PLXDC2: variants seen among roughly 807,000 people sequenced by gnomAD.
PLXDC2 encodes the protein plexin domain containing 2.
Under a neutral mutation model 68.9 loss-of-function variants are expected in PLXDC2, and 40 were observed. That is an observed-to-expected ratio of 0.58 (90% CI 0.45 to 0.76). The LOEUF (loss-of-function observed/expected upper bound fraction) is 0.76, where lower values mean the gene tolerates loss of function less well. PLXDC2 is among the 30% of genes least tolerant of loss of function. The probability of loss-of-function intolerance (pLI) is 0.00; values close to 1 mark genes in which losing one functional copy is unlikely to be tolerated. For missense variants in PLXDC2, 644 were observed against 661.9 expected (o/e 0.97, Z 0.30); for synonymous variants, 243 against 234.2 (o/e 1.04, Z -0.34).
In PLXDC2 at chr10:19,908,626, A is replaced by G. The variant is rs376094358; in HGVS notation, c.112+91435A>G. Among the ~76,000 whole-genome samples, 20 of 152,286 alleles carry G rather than the reference A, an allele frequency of 1.3e-4. 1 individual carries two copies. The highest frequency in any genetic ancestry group is 4.8e-4 in the African/African-American group (20 of 41,562). ...TCAAAGGTATTCTCAGGGATCAGTTAGAAGACATAGTGAATGTAAGTTTAG... is the reference window on the plus strand; with the variant it reads ...TCAAAGGTATTCTCAGGGATCAGTTGGAAGACATAGTGAATGTAAGTTTAG... On this transcript the variant is annotated intron_variant, in intron 1 of 13. Coordinates refer to ENST00000377252, the MANE Select transcript of PLXDC2 (RefSeq NM_032812.9).
chr10:19,849,038 A>G (rs1456579618), intron 1 of PLXDC2, among the ~76,000 whole-genome samples: 4 of 152,148 alleles, frequency 2.6e-5, no homozygotes, highest in Non-Finnish European at 4.4e-5. Context: ...GAAATTTTAA[A>G]TTCCTTTATG....
At chr10:19,854,286 A>G (rs1405299687) in intron 1 of PLXDC2, among the ~76,000 whole-genome samples, 1 of 152,200 alleles carries the variant, frequency 6.6e-6, no homozygotes, top group African/African-American at 2.4e-5. Context: ...AGCATCTTAA[A>G]AGAAAACACC....
intron 1 of PLXDC2, among the ~76,000 whole-genome samples, chr10:19,943,220 T>C (rs1242153081): frequency 6.6e-6 from 1 of 151,508 alleles, no homozygotes; most frequent in African/African-American, 2.4e-5. Flanking sequence ...AGCCAACTTT[T>C]GCTGTTTGCT....
At chr10:19,949,123 C>CAAAAAAAAAAAA (rs60138814) in intron 1 of PLXDC2, among the ~76,000 whole-genome samples, 5 of 82,910 alleles carry the variant, frequency 6.0e-5, no homozygotes, top group Admixed American at 1.6e-4. Flanking sequence ...GAGACTTTGT[C>CAAAAAAAAAAAA]AAAAAAAAAA....
At chr10:20,148,970 C>T (rs1368824110) in intron 6 of PLXDC2, among the ~76,000 whole-genome samples, 1 of 151,952 alleles carries the variant, frequency 6.6e-6, no homozygotes, top group Non-Finnish European at 1.5e-5. Context: ...CCTTTAAAAA[C>T]TTTTTTAATG....
intron 13 of PLXDC2, among the ~76,000 whole-genome samples, chr10:20,252,915 G>A (rs1161962715): frequency 6.6e-6 from 1 of 152,060 alleles, no homozygotes; most frequent in Admixed American, 6.6e-5. Flanking sequence ...TTGAGCTCAG[G>A]AGGTGGAGGG....
At chr10:20,135,855 A>AT (rs1833926417) in intron 4 of PLXDC2, among the ~76,000 whole-genome samples, 1 of 152,166 alleles carries the variant, frequency 6.6e-6, no homozygotes, top group East Asian at 1.9e-4. Context: ...ATATATTTTA[A>AT]TTTTGTATAC....
At chr10:20,085,280 G>A (rs1156370622) in intron 4 of PLXDC2, among the ~76,000 whole-genome samples, 1 of 152,014 alleles carries the variant, frequency 6.6e-6, no homozygotes, top group Non-Finnish European at 1.5e-5. Flanking sequence ...TGCAGCAGGT[G>A]GCTAGCACAG....
intron 13 of PLXDC2, among the ~76,000 whole-genome samples, chr10:20,262,662 G>A (rs569312430): frequency 2.6e-5 from 4 of 152,320 alleles, no homozygotes; most frequent in South Asian, 2.1e-4. Context: ...ACCTCCCCCC[G>A]GGTGGGACCT....
chr10:20,025,777 A>G (rs889062372), intron 2 of PLXDC2, among the ~76,000 whole-genome samples: 6 of 152,052 alleles, frequency 3.9e-5, no homozygotes, highest in African/African-American at 1.4e-4. Flanking sequence ...TTCCTTATAC[A>G]TTTTGGATAT....
At chr10:19,942,059 G>C (rs1833829463) in intron 1 of PLXDC2, among the ~76,000 whole-genome samples, 2 of 151,914 alleles carry the variant, frequency 1.3e-5, no homozygotes. Context: ...GAAAGCCCAA[G>C]TATTATTTAT....
chr10:20,125,518 C>T (rs1004113859), intron 4 of PLXDC2, among the ~76,000 whole-genome samples: 29 of 152,054 alleles, frequency 1.9e-4, no homozygotes, highest in African/African-American at 7.0e-4. Context: ...TAGGCACGAT[C>T]ACAACTCTGA....
intron 13 of PLXDC2, among the ~76,000 whole-genome samples, chr10:20,250,541 G>A (rs964936108): frequency 2.6e-5 from 4 of 152,102 alleles, no homozygotes; most frequent in Non-Finnish European, 4.4e-5. Flanking sequence ...GCTGAAGCAC[G>A]GGCCTTAAGT....
At chr10:19,985,799 C>G (rs1476406483) in intron 1 of PLXDC2, among the ~76,000 whole-genome samples, 1 of 152,214 alleles carries the variant, frequency 6.6e-6, no homozygotes, top group Non-Finnish European at 1.5e-5. Context: ...TGTGTTGGAT[C>G]AAGCCTTTTC....
At chr10:20,064,113 G>T (rs1836152700) in intron 3 of PLXDC2, among the ~76,000 whole-genome samples, 1 of 147,560 alleles carries the variant, frequency 6.8e-6, no homozygotes, top group Non-Finnish European at 1.5e-5. Context: ...CCATTTTCTT[G>T]AATCTTTTTT....
intron 4 of PLXDC2, among the ~76,000 whole-genome samples, chr10:20,092,642 G>T (rs565234422): frequency 6.6e-6 from 1 of 152,036 alleles, no homozygotes; most frequent in African/African-American, 2.4e-5. Context: ...AAAGATATTG[G>T]GTCCCAATTC....
chr10:20,209,587 A>G (rs1835040628), intron 9 of PLXDC2, among the ~76,000 whole-genome samples: 1 of 152,130 alleles, frequency 6.6e-6, no homozygotes, highest in Admixed American at 6.5e-5. Context: ...TGCTTTTGAA[A>G]GAAGAGAAAT....
At chr10:20,127,325 C>A (rs912082165) in intron 4 of PLXDC2, among the ~76,000 whole-genome samples, 4 of 152,168 alleles carry the variant, frequency 2.6e-5, no homozygotes, top group African/African-American at 9.7e-5. Flanking sequence ...AGATCTTTGT[C>A]TTTCCTAGAA....
At chr10:20,019,109 G>A (rs753480787) in intron 2 of PLXDC2, among the ~76,000 whole-genome samples, 2 of 152,070 alleles carry the variant, frequency 1.3e-5, no homozygotes, top group East Asian at 1.9e-4. Context: ...GAGAGACAGC[G>A]TATCAATTTA....
Sources: allele counts gnomAD v4.1 joint callset (sites outside exome capture counted in the v4.1 genomes callset), GRCh38; gene constraint gnomAD v4.1.1; transcripts MANE v1.5; gene names NCBI Gene and HGNC (gene_info 2026-07-23, HGNC 2026-07-21).